Variants in AGPAT3 observed in about 807,000 individuals in gnomAD.
The protein encoded by AGPAT3 is 1-acylglycerol-3-phosphate O-acyltransferase 3.
Under a neutral mutation model 47.3 loss-of-function variants are expected in AGPAT3, and 5 were observed. The ratio of observed to expected loss-of-function variants is 0.11; its 90% CI spans 0.06 to 0.22. The LOEUF is 0.22. Among genes scored for constraint, AGPAT3 ranks in the 10% least tolerant of loss-of-function variants. AGPAT3 has a pLI of 1.00. For missense variants in AGPAT3, 315 were observed against 493.0 expected (o/e 0.64, Z 3.42); for synonymous variants, 212 against 208.3 (o/e 1.02, Z -0.15).
At chr21:43,907,922 G>A (rs1461520999) in intron 2 of AGPAT3, among the ~76,000 whole-genome samples, 4 of 152,164 alleles carry the variant, frequency 2.6e-5, no homozygotes, top group Non-Finnish European at 5.9e-5. Flanking sequence ...GTGTTTGCGC[G>A]CCCTCTCCGT....
rs942925648 is a variant in AGPAT3 at position 43,934,154 on chromosome 21, G to T, written c.-48-25480G>T. On this transcript the variant is annotated intron_variant, in intron 2 of 9. Coordinates refer to ENST00000291572, the MANE Select transcript of AGPAT3 (RefSeq NM_020132.5). The surrounding 1 kb of genome is among the most constrained non-coding windows in gnomAD (Gnocchi z 4.7). ...ACAGGCAGACATGGGTGCCCGGCAC[G>T]CCAGCTCCCCGAGCACCAGCTCCCC... Among the ~76,000 whole-genome samples, 21 of 152,154 alleles carry T rather than the reference G, an allele frequency of 1.4e-4. No individual in the cohort carries two copies. The highest frequency in any genetic ancestry group is 4.8e-4 in the African/African-American group (20 of 41,440).
chr21:43,886,949 G>T (rs1170605692), intron 1 of AGPAT3, among the ~76,000 whole-genome samples: 1 of 152,092 alleles, frequency 6.6e-6, no homozygotes, highest in Non-Finnish European at 1.5e-5. Context: ...CTTTCTTTTG[G>T]GTATATACCT....
At chr21:43,905,161 A>G (rs2086462210) in intron 2 of AGPAT3, among the ~76,000 whole-genome samples, 2 of 99,598 alleles carry the variant, frequency 2.0e-5, no homozygotes, top group East Asian at 6.3e-4. Context: ...AAAAATATTT[A>G]TTTATTTATT....
rs2088728318 is a variant in AGPAT3 at position 43,959,643 on chromosome 21, C to T, written c.-39C>T. The T allele has an allele frequency of 6.2e-7, 1 of 1,607,010 alleles. No homozygotes were observed. Among genetic ancestry groups the T allele is most frequent in the African/African-American group, 1.3e-5 (1 of 74,888 alleles). ...GTCCCTGTCTTTGCAGGACGGCTGT[C>T]CTCAGCGAGGGGCCGTGCACCCGCT... On this transcript the variant is annotated 5_prime_UTR_variant, in exon 3 of 10. Transcript: ENST00000291572.
intron 1 of AGPAT3, among the ~76,000 whole-genome samples, chr21:43,883,237 A>G (rs1355026810): frequency 1.3e-5 from 2 of 151,922 alleles, no homozygotes; most frequent in Non-Finnish European, 2.9e-5. Context: ...CTTGAGCCTC[A>G]AGGGCCTCAT....
At chr21:43,971,264 G>GT in intron 6 of AGPAT3, 124 bp from the exon 7 acceptor site, 1 of 777,602 alleles carries the variant, frequency 1.3e-6, no homozygotes, top group Non-Finnish European at 2.2e-6. Context: ...CCAGGACGGG[G>GT]CCAGACCCCT....
At chr21:43,948,859 A>C (rs1461842183) in intron 2 of AGPAT3, among the ~76,000 whole-genome samples, 5 of 152,072 alleles carry the variant, frequency 3.3e-5, no homozygotes, top group African/African-American at 9.6e-5. Flanking sequence ...TGCACATGGG[A>C]TCCAAGTCCC....
intron 3 of AGPAT3, chr21:43,966,915 C>T (rs1480812716): frequency 6.6e-6 from 1 of 152,226 alleles, no homozygotes; most frequent in African/African-American, 2.4e-5. Context: ...GACAAGAGGC[C>T]CACCTGCTTG....
At chr21:43,927,034 T>A (rs982773438) in intron 2 of AGPAT3, among the ~76,000 whole-genome samples, 1 of 148,170 alleles carries the variant, frequency 6.7e-6, no homozygotes, top group Admixed American at 6.7e-5. Context: ...CCTAGGCTAG[T>A]CTCAAACTCC....
Position 43,922,841 on chromosome 21 carries a change from T to G in AGPAT3, c.-49+18822T>G, listed in dbSNP as rs566767223. Among the ~76,000 whole-genome samples the G allele has an allele frequency of 6.6e-6, 1 of 152,264 alleles. No individual in the cohort carries two copies. The highest frequency in any genetic ancestry group is 2.1e-4 in the South Asian group (1 of 4,826). On this transcript the variant is annotated intron_variant, in intron 2 of 9. Transcript: ENST00000291572. The surrounding 1 kb of genome is among the most constrained non-coding windows in gnomAD (Gnocchi z 4.9). ...GGGGCTGCCATGAGGATTGGCTGCA[T>G]TTTTTCGCTGTGTGATGTGACTGGC...
chr21:43,912,618 G>T (rs1036609544), intron 2 of AGPAT3, among the ~76,000 whole-genome samples: 2 of 152,224 alleles, frequency 1.3e-5, no homozygotes, highest in Non-Finnish European at 2.9e-5. Context: ...AGTGGTGCGT[G>T]GCCATGGACT....
In AGPAT3 at chr21:43,927,188, G is replaced by T. The variant is rs181317242; in HGVS notation, c.-49+23169G>T. ...CCTTCTGACCATGTACCTCGTCTTG[G>T]TTTAAAATTTTTACAGCAAGGTGTA... is the stretch of plus-strand genomic sequence containing the variant. On this transcript the variant is annotated intron_variant, in intron 2 of 9. Coordinates refer to ENST00000291572, the MANE Select transcript of AGPAT3 (RefSeq NM_020132.5). 1.4e-3 allele frequency among the ~76,000 whole-genome samples: 209 copies of T among 152,036 alleles called. 2 individuals carry two copies. The East Asian group carries it at 0.027, about 20-fold the overall frequency.
intron 2 of AGPAT3, among the ~76,000 whole-genome samples, chr21:43,915,294 C>G (rs543074531): frequency 4.0e-5 from 6 of 151,712 alleles, no homozygotes; most frequent in Non-Finnish European, 8.8e-5. Context: ...TCAAGCAGTC[C>G]GCCCTCCTCA....
intron 2 of AGPAT3, among the ~76,000 whole-genome samples, chr21:43,942,200 C>G (rs2087680937): frequency 1.3e-5 from 2 of 152,150 alleles, no homozygotes; most frequent in Admixed American, 6.5e-5. Flanking sequence ...CCCTGTTGAT[C>G]CTGTTTGACC....
chr21:43,975,305 A>G (rs566471483), intron 7 of AGPAT3, among the ~76,000 whole-genome samples: 1 of 138,092 alleles, frequency 7.2e-6, no homozygotes, highest in South Asian at 2.3e-4. Context: ...GTGTGCTGGC[A>G]TGTAGTGTGC....
In AGPAT3 at chr21:43,982,456, C is replaced by A; in HGVS notation, c.*64C>A. Reference sequence around the variant, plus strand: ...GTATCCAGTTAACTCAAAACCAACACACAGAGTGCAGGAAAAGACAATTAG... The same window carrying A: ...GTATCCAGTTAACTCAAAACCAACAAACAGAGTGCAGGAAAAGACAATTAG... On this transcript the variant is annotated 3_prime_UTR_variant, in exon 10 of 10. Transcript: ENST00000291572. The surrounding 1 kb of genome is among the most constrained non-coding windows in gnomAD (Gnocchi z 6.2). The A allele has an allele frequency of 1.7e-6, 2 of 1,182,548 alleles. No homozygotes were observed. Among genetic ancestry groups the A allele is most frequent in the Non-Finnish European group, 2.5e-6 (2 of 798,604 alleles). The allele number at this position is 1,182,548 out of a possible 1,614,324, so 73.3% of individuals were successfully genotyped here. A position where few individuals can be genotyped will look rare whatever the true frequency, so the allele number is the denominator to read the frequency against.
Position 43,939,870 on chromosome 21 carries a change from C to T in AGPAT3, c.-48-19764C>T, listed in dbSNP as rs2087595757. The stretch of plus-strand genomic sequence containing the variant: ...ATCCTGGCTGGCCCTGTGACTCTGC[C>T]TGTTTACAGTGAGCAGCTCCTGGCC... On this transcript the variant is annotated intron_variant, in intron 2 of 9. Coordinates refer to ENST00000291572, the MANE Select transcript of AGPAT3 (RefSeq NM_020132.5). This position sits in a 1 kb window ranked among gnomAD's most constrained non-coding sequence, Gnocchi z 4.4. Among the ~76,000 whole-genome samples the T allele has an allele frequency of 6.6e-6, 1 of 152,192 alleles. No individual in the cohort carries two copies. The highest frequency in any genetic ancestry group is 2.1e-4 in the South Asian group (1 of 4,834).
At chr21:43,978,287 GTTTTGT>G (rs1311389275) in intron 8 of AGPAT3, among the ~76,000 whole-genome samples, 166 bp downstream of exon 8, 1 of 152,090 alleles carries the variant, frequency 6.6e-6, no homozygotes, top group South Asian at 2.1e-4. Flanking sequence ...CTGTTGTTTT[GTTTTGT>G]TTTTGTTTTT....
In AGPAT3 at chr21:43,981,916, C is replaced by T. The variant is rs559982422; in HGVS notation, c.1043-388C>T. Among the ~76,000 whole-genome samples, 6 of 152,344 alleles carry T rather than the reference C, an allele frequency of 3.9e-5. No individual in the cohort carries two copies. The highest frequency in any genetic ancestry group is 1.3e-4 in the Admixed American group (2 of 15,310). On this transcript the variant is annotated intron_variant, in intron 9 of 9. Transcript: ENST00000291572. The surrounding 1 kb of genome is among the most constrained non-coding windows in gnomAD (Gnocchi z 5.3). The stretch of plus-strand genomic sequence containing the variant: ...ATGACTTGAGGCCACCCACAGAGGA[C>T]AGGATGTGACCTGCTTACATCCGAG...
Sources: allele counts gnomAD v4.1 joint callset (sites outside exome capture counted in the v4.1 genomes callset), GRCh38; gene constraint gnomAD v4.1.1; non-coding constraint Gnocchi (gnomAD v3.1); transcripts MANE v1.5; gene names NCBI Gene and HGNC (gene_info 2026-07-23, HGNC 2026-07-21).